The following FBXO36 variants were observed in gnomAD, a reference collection of about 807,000 sequenced individuals.
FBXO36 encodes the protein F-box only protein 36.
Under a neutral mutation model 17.0 loss-of-function variants are expected in FBXO36, and 18 were observed. The ratio of observed to expected loss-of-function variants is 1.06; its 90% confidence interval spans 0.73 to 1.57. The LOEUF (loss-of-function observed/expected upper bound fraction) is 1.57, where lower values mean the gene tolerates loss of function less well. Among genes scored for constraint, FBXO36 ranks in the 40% most tolerant of loss-of-function variants. The pLI is 0.00. For missense variants in FBXO36, 229 were observed against 221.9 expected, an observed-to-expected ratio of 1.03 and a Z score of -0.20; for synonymous variants, 83 against 85.3, an observed-to-expected ratio of 0.97 and a Z score of 0.15.
At chr2:229,986,199 T>TA (rs1491571451) in intron 2 of FBXO36, among the ~76,000 whole-genome samples, 2 of 152,144 alleles carry the variant, frequency 1.3e-5, no homozygotes, top group African/African-American at 4.8e-5. Context: ...AAGAATATGT[T>TA]ATATATTAAC....
intron 2 of FBXO36, among the ~76,000 whole-genome samples, chr2:229,977,357 C>T (rs187911802): frequency 1.1e-4 from 17 of 152,118 alleles, no homozygotes; most frequent in East Asian, 1.9e-4. Context: ...ACACTGGAGA[C>T]GTCTAAGCCC....
chr2:229,922,751 T>G, intron 1 of FBXO36, 142 bp downstream of exon 1: 1 of 801,648 alleles, frequency 1.2e-6, no homozygotes, highest in African/African-American at 1.7e-5. Context: ...GAGATTTTCC[T>G]CGTCACCTCG....
rs375948449 is a variant in FBXO36, at chr2:229,989,836, G to C, written c.206-6915G>C. Among the ~76,000 whole-genome samples the C allele has an allele frequency of 4.6e-5, 7 of 151,586 alleles. No homozygotes were observed. The East Asian group carries it at 1.4e-3, about 29-fold the overall frequency. On this transcript the variant is annotated intron_variant, in intron 2 of 3. Transcript: ENST00000283946. The stretch of plus-strand genomic sequence containing the variant: ...GATCCACCCGCCTCGGCCTCCCAAA[G>C]TGTTGGGATTACAGGCGTGAGCCAC...
At chr2:229,992,954 G>GT (rs1269176449) in intron 2 of FBXO36, among the ~76,000 whole-genome samples, 2 of 152,174 alleles carry the variant, frequency 1.3e-5, no homozygotes, top group African/African-American at 4.8e-5. Flanking sequence ...GTGCTGCTAA[G>GT]TGAGGACTAA....
chr2:229,975,241 A>G (rs916414029), intron 1 of FBXO36, among the ~76,000 whole-genome samples: 1 of 152,132 alleles, frequency 6.6e-6, no homozygotes, highest in Non-Finnish European at 1.5e-5. Flanking sequence ...TCATGCATCA[A>G]ACTAAGCATA....
chr2:230,001,108 C>A (rs979946021), intron 3 of FBXO36, among the ~76,000 whole-genome samples: 8 of 152,028 alleles, frequency 5.3e-5, no homozygotes, highest in African/African-American at 1.9e-4. Context: ...ATCCACCTAC[C>A]TCAGCCTCCC....
chr2:229,948,971 C>G (rs2077041178), intron 1 of FBXO36, among the ~76,000 whole-genome samples: 1 of 152,126 alleles, frequency 6.6e-6, no homozygotes. Flanking sequence ...GTAGCTGGGA[C>G]TACAGGCGCC....
chr2:229,963,851 C>T (rs560171035), intron 1 of FBXO36, among the ~76,000 whole-genome samples: 31 of 152,156 alleles, frequency 2.0e-4, no homozygotes, highest in Non-Finnish European at 3.5e-4. Context: ...TTAGATTATG[C>T]CAAATTTCCC....
chr2:229,950,957 G>A (rs981072673), intron 1 of FBXO36, among the ~76,000 whole-genome samples: 7 of 151,604 alleles, frequency 4.6e-5, no homozygotes, highest in South Asian at 2.1e-4. Context: ...TTTTTGAGAC[G>A]GAGTCTCGCA....
chr2:230,012,277 A>G lies in FBXO36; in HGVS notation c.*1393A>G, dbSNP rs1479549261. 4 of 152,176 alleles carry G rather than the reference A, an allele frequency of 2.6e-5. No homozygotes were observed. The highest frequency in any genetic ancestry group is 5.9e-5 in the Non-Finnish European group (4 of 68,038). 9.4% of individuals were successfully genotyped at this position (152,176 alleles called of 1,614,324 possible). A position where few individuals can be genotyped will look rare whatever the true frequency, so the allele number is the denominator to read the frequency against. ...GCATGGCTTAGTGACATTAAAAAAA[A>G]AAACTGAACCCATGTTAATATCAAA... On this transcript the variant is annotated 3_prime_UTR_variant, in exon 4 of 4. Coordinates refer to ENST00000283946, the MANE Select transcript of FBXO36 (RefSeq NM_174899.5).
At chr2:230,009,653 T>C (rs1441177564) in intron 3 of FBXO36, among the ~76,000 whole-genome samples, 2 of 152,016 alleles carry the variant, frequency 1.3e-5, no homozygotes, top group South Asian at 2.1e-4. Flanking sequence ...AAGTTATAAA[T>C]ACAACTTCCG....
At chr2:229,999,149 CAG>C (rs2077344067) in intron 3 of FBXO36, among the ~76,000 whole-genome samples, 1 of 111,370 alleles carries the variant, frequency 9.0e-6, no homozygotes, top group Non-Finnish European at 1.8e-5. Context: ...TTTTTTGAGA[CAG>C]AGTCTTTCTC....
chr2:229,927,427 T>C (rs1429211562), intron 1 of FBXO36, among the ~76,000 whole-genome samples: 2 of 152,220 alleles, frequency 1.3e-5, no homozygotes, highest in Non-Finnish European at 2.9e-5. Flanking sequence ...CTGTTACCAG[T>C]ATTGTACTCT....
chr2:229,933,254 G>A (rs567664749), intron 1 of FBXO36, among the ~76,000 whole-genome samples: 8 of 152,082 alleles, frequency 5.3e-5, no homozygotes, highest in East Asian at 1.9e-4. Context: ...CAGGCGTGGC[G>A]GTAGAGTCCT....
At chr2:229,924,266 T>C (rs748676842) in intron 1 of FBXO36, among the ~76,000 whole-genome samples, 10 of 152,174 alleles carry the variant, frequency 6.6e-5, no homozygotes, top group Non-Finnish European at 1.2e-4. Context: ...CTAATTTTTG[T>C]ATTTTTAATA....
Position 230,012,218 on chromosome 2 carries a change from TGTC to T in FBXO36, c.*1335_*1337del, listed in dbSNP as rs2077419212. On this transcript the variant is annotated 3_prime_UTR_variant, in exon 4 of 4. Transcript: ENST00000283946. ...ACAGAAGTTGTGGACTCTGGCTCTT[TGTC>T]CCACCTAAGTCCTTCCAGAAGGGCT... 2 of 152,238 alleles carry T rather than the reference TGTC, an allele frequency of 1.3e-5. No individual in the cohort carries two copies. The highest frequency in any genetic ancestry group is 6.5e-5 in the Admixed American group (1 of 15,284). The allele number at this position is 152,238 out of a possible 1,614,324, so 9.4% of individuals were successfully genotyped here.
intron 1 of FBXO36, among the ~76,000 whole-genome samples, chr2:229,950,765 T>C (rs889138763): frequency 6.7e-6 from 1 of 149,236 alleles, no homozygotes; most frequent in African/African-American, 2.5e-5. Context: ...TTTTTTTTTT[T>C]TTTTTTTTTG....
intron 2 of FBXO36, among the ~76,000 whole-genome samples, chr2:229,985,001 C>T (rs1034051504): frequency 6.6e-6 from 1 of 152,062 alleles, no homozygotes; most frequent in African/African-American, 2.4e-5. Context: ...CTGAGGGGTG[C>T]ATTCTTGAAA....
intron 1 of FBXO36, chr2:229,945,188 T>C (rs2077020430): frequency 6.6e-6 from 1 of 152,204 alleles, no homozygotes; most frequent in East Asian, 1.9e-4. Flanking sequence ...TTGTAAGTCA[T>C]TCATAACCAA....
Sources: gnomAD v4.1 joint callset for allele counts (sites outside exome capture counted in the v4.1 genomes callset) on GRCh38, gnomAD v4.1.1 for gene constraint, MANE v1.5 for transcripts, NCBI Gene and HGNC (gene_info 2026-07-23, HGNC 2026-07-21) for gene names.